Variants in SLC5A11 observed in about 807,000 individuals in gnomAD.
The protein encoded by SLC5A11 is solute carrier family 5 member 11, also known as sodium/myo-inositol cotransporter 2.
A neutral mutation model predicts 69.8 loss-of-function variants in SLC5A11; 48 were observed. That is an observed-to-expected ratio of 0.69 (90% confidence interval 0.55 to 0.87). SLC5A11 has a LOEUF of 0.87. SLC5A11 is among the 40% of genes least tolerant of loss of function. SLC5A11 has a pLI of 0.00. For synonymous variants in SLC5A11, 319 were observed against 342.4 expected (o/e 0.93, Z 0.75); for missense variants, 784 against 866.1 (o/e 0.91, Z 1.19).
At chr16:24,899,920 T>A (rs1567680232) in intron 10 of SLC5A11, among the ~76,000 whole-genome samples, 1 of 151,988 alleles carries the variant, frequency 6.6e-6, no homozygotes, top group Non-Finnish European at 1.5e-5. Context: ...CCCAGGCTAG[T>A]CTTGAACTCC....
intron 4 of SLC5A11, among the ~76,000 whole-genome samples, chr16:24,871,703 A>G (rs1017701464): frequency 6.6e-6 from 1 of 152,202 alleles, no homozygotes; most frequent in African/African-American, 2.4e-5. Context: ...CCTGGCATAC[A>G]GTACTCATTA....
chr16:24,858,080 C>A (rs1277125528), intron 1 of SLC5A11, among the ~76,000 whole-genome samples: 1 of 152,170 alleles, frequency 6.6e-6, no homozygotes, highest in African/African-American at 2.4e-5. Flanking sequence ...GGGATGATAA[C>A]AATAGTGCCC....
At chr16:24,858,769 T>G (rs199905164) in exon 2 of SLC5A11, 1 of 1,611,728 alleles carries the variant, frequency 6.2e-7, no homozygotes, top group African/African-American at 1.3e-5. Flanking sequence ...TCCTGGCTGT[T>G]GGACTATGGG....
chr16:24,899,268 A>G (rs2049409405), intron 10 of SLC5A11, among the ~76,000 whole-genome samples: 1 of 152,128 alleles, frequency 6.6e-6, no homozygotes, highest in Admixed American at 6.5e-5. Flanking sequence ...TGCCTCAACT[A>G]TATTTTTTTG....
intron 5 of SLC5A11, among the ~76,000 whole-genome samples, chr16:24,873,274 G>GA (rs1454760938): frequency 2.7e-5 from 4 of 148,364 alleles, no homozygotes; most frequent in African/African-American, 9.9e-5. Context: ...AGGAAGGAAG[G>GA]AAGGAAGGAA....
At chr16:24,882,400 T>A (rs1482381195) in intron 7 of SLC5A11, among the ~76,000 whole-genome samples, 1 of 152,104 alleles carries the variant, frequency 6.6e-6, no homozygotes, top group Non-Finnish European at 1.5e-5. Context: ...CCAGTTCTCC[T>A]CCCCTTTGTG....
exon 14 of SLC5A11, chr16:24,909,036 G>A (rs1420491973): frequency 6.8e-6 from 11 of 1,613,928 alleles, no homozygotes; most frequent in Middle Eastern, 3.3e-4. Context: ...TCCTGTCCAC[G>A]GTCACCCTCA....
rs3050359 is a variant in SLC5A11 at position 24,909,829 on chromosome 16, TAAAAAA to T, written c.1651-459_1651-454del. On this transcript the variant is annotated intron_variant, in intron 14 of 15. Transcript: ENST00000347898. ...GGGTGACAGAACAAGAGCCTGTCTTTAAAAAAAAAAAAAAAAAAAAAAAGTAAAAAT... is the reference window on the plus strand; with the variant it reads ...GGGTGACAGAACAAGAGCCTGTCTTTAAAAAAAAAAAAAAAAAGTAAAAAT... Among the ~76,000 whole-genome samples, 792 of 103,924 alleles carry T rather than the reference TAAAAAA, an allele frequency of 7.6e-3. 3 individuals carry two copies. The highest frequency in any genetic ancestry group is 0.012 in the Middle Eastern group (2 of 172). The allele number at this position is 103,924 out of a possible 152,430, so 68.2% of individuals were successfully genotyped here.
intron 7 of SLC5A11, among the ~76,000 whole-genome samples, chr16:24,880,997 A>G (rs1841786223): frequency 1.3e-5 from 2 of 152,004 alleles, no homozygotes; most frequent in African/African-American, 2.4e-5. Context: ...TGAGGTCTGG[A>G]GTTCGAGACC....
At chr16:24,902,806 C>T (rs978516304) in intron 10 of SLC5A11, among the ~76,000 whole-genome samples, 1 of 152,080 alleles carries the variant, frequency 6.6e-6, no homozygotes, top group African/African-American at 2.4e-5. Context: ...CCCAAAGTGT[C>T]GGAATTACAG....
intron 13 of SLC5A11, 39 bp from the exon 15 acceptor site, chr16:24,908,842 C>T: frequency 6.3e-7 from 1 of 1,597,794 alleles, no homozygotes; most frequent in Non-Finnish European, 8.5e-7. Context: ...AGGCCAGAGC[C>T]CTTGGCGTCT....
At chr16:24,875,183 C>T (rs537722997) in intron 5 of SLC5A11, among the ~76,000 whole-genome samples, 1 of 152,112 alleles carries the variant, frequency 6.6e-6, no homozygotes, top group South Asian at 2.1e-4. Context: ...TTTTGTCTAC[C>T]ATATGTATGT....
chr16:24,849,593 A>AAAAAATATATAT, intron 1 of SLC5A11, among the ~76,000 whole-genome samples: 3 of 35,910 alleles, frequency 8.4e-5, no homozygotes, highest in Non-Finnish European at 1.1e-4. Context: ...AAAAAAAAAA[A>AAAAAATATATAT]ATATATATAT....
At chr16:24,883,521 C>G (rs1282188955) in intron 7 of SLC5A11, among the ~76,000 whole-genome samples, 1 of 152,202 alleles carries the variant, frequency 6.6e-6, no homozygotes, top group Non-Finnish European at 1.5e-5. Context: ...TTATTCCCCA[C>G]AAGTCCATGG....
At chr16:24,878,345 C>T (rs901658326) in intron 7 of SLC5A11, among the ~76,000 whole-genome samples, 7 of 152,202 alleles carry the variant, frequency 4.6e-5, no homozygotes, top group East Asian at 1.9e-4. Context: ...CTCATCTCTC[C>T]GCCTCATACC....
intron 8 of SLC5A11, among the ~76,000 whole-genome samples, chr16:24,887,358 T>C (rs981350313): frequency 6.6e-6 from 1 of 152,162 alleles, no homozygotes; most frequent in Non-Finnish European, 1.5e-5. Flanking sequence ...ATAAAGAATA[T>C]AACAATTTAA....
intron 1 of SLC5A11, among the ~76,000 whole-genome samples, chr16:24,848,661 AC>A (rs1005452639): frequency 5.3e-5 from 8 of 152,228 alleles, no homozygotes; most frequent in Admixed American, 2.0e-4. Context: ...GGTCCCACCT[AC>A]TTGGGAGACG....
At chr16:24,876,638 C>T (rs113829328) in intron 6 of SLC5A11, among the ~76,000 whole-genome samples, 2,293 of 152,332 alleles carry the variant, frequency 0.015, 21 homozygotes, top group Middle Eastern at 0.037. Context: ...CAGCTCCAGA[C>T]TGCAGGACAG....
intron 3 of SLC5A11, among the ~76,000 whole-genome samples, chr16:24,866,990 C>A (rs376653791): frequency 6.6e-6 from 1 of 152,006 alleles, no homozygotes; most frequent in African/African-American, 2.4e-5. Context: ...ATAAGATCAA[C>A]AAGAAAATAG....
Sources: gnomAD v4.1 joint callset for allele counts (sites outside exome capture counted in the v4.1 genomes callset) on GRCh38, gnomAD v4.1.1 for gene constraint, MANE v1.5 for transcripts, NCBI Gene and HGNC (gene_info 2026-07-23, HGNC 2026-07-21) for gene names.